The following TRPC5 variants were observed in gnomAD, a reference collection of about 807,000 sequenced individuals.
The protein encoded by TRPC5 is short transient receptor potential channel 5.
TRPC5 carries 9 observed loss-of-function variants against 56.5 expected under a neutral mutation model. The observed-to-expected ratio is 0.16, with a 90% confidence interval of 0.10 to 0.28. TRPC5 has a LOEUF of 0.28. Ranked by LOEUF, TRPC5 falls within the 10% of genes least tolerant of loss-of-function variation. The pLI is 1.00. For synonymous variants in TRPC5, 282 were observed against 278.5 expected (o/e 1.01, Z -0.13); for missense variants, 469 against 748.9 (o/e 0.63, Z 4.36).
Position 111,952,347 on chromosome X carries a change from G to C in TRPC5, c.74C>G (p.Ala25Gly), listed in dbSNP as rs1229020207. The C allele has an allele frequency of 7.4e-6, 9 of 1,212,060 alleles. No individual in the cohort carries two copies. The South Asian group carries it at 1.6e-4, about 21-fold the overall frequency. Residue 25 changes from alanine to glycine, a missense_variant, in exon 2 of 11, where the codon GCT (alanine) becomes GGT (glycine). Transcript: ENST00000262839. The stretch of plus-strand genomic sequence containing the variant: ...CTCCTCTGCAGAGAGCTCTGTCTCA[G>C]CCCTCACAATTTGCAGGGGGATGCG... ...RDRIPLQIVR[A>G]ETELSAEEKA...
intron 2 of TRPC5, among the ~76,000 whole-genome samples, chrX:111,942,630 C>T (rs776561690): frequency 1.4e-3 from 154 of 111,951 alleles, no homozygotes; most frequent in Non-Finnish European, 2.5e-3. Context: ...AAAGTTAGCA[C>T]AGATACATGA....
intron 1 of TRPC5, among the ~76,000 whole-genome samples, chrX:112,071,788 C>T (rs1930726217): frequency 8.9e-6 from 1 of 111,791 alleles, no homozygotes; most frequent in Admixed American, 9.5e-5. Flanking sequence ...ATGGTAGGCC[C>T]AATTTTGCCC....
chrX:111,852,262 C>T (rs757484491), intron 5 of TRPC5, 36 bp downstream of exon 5: 27 of 1,185,813 alleles, frequency 2.3e-5, no homozygotes, highest in South Asian at 2.1e-4. Flanking sequence ...TAGCCAAAAT[C>T]GCTGTGTAGG....
chrX:111,922,572 C>T (rs1926153403), intron 2 of TRPC5, among the ~76,000 whole-genome samples: 1 of 112,172 alleles, frequency 8.9e-6, no homozygotes, highest in Non-Finnish European at 1.9e-5. Flanking sequence ...CCTGCTCTGC[C>T]TATCTATCAG....
chrX:111,895,136 G>T (rs1456741617), intron 3 of TRPC5, among the ~76,000 whole-genome samples: 1 of 111,935 alleles, frequency 8.9e-6, no homozygotes, highest in Non-Finnish European at 1.9e-5. Flanking sequence ...AGTTTTACCA[G>T]TTAACAATTT....
chrX:112,000,227 C>T (rs188336925), intron 1 of TRPC5, among the ~76,000 whole-genome samples: 1 of 111,468 alleles, frequency 9.0e-6, no homozygotes, highest in Non-Finnish European at 1.9e-5. Context: ...CTTTATTAGA[C>T]ACTCACTTGT....
At chrX:111,968,134 A>C (rs1927658960) in intron 1 of TRPC5, among the ~76,000 whole-genome samples, 1 of 111,871 alleles carries the variant, frequency 8.9e-6, no homozygotes, top group African/African-American at 3.3e-5. Context: ...CAAGAAAAAA[A>C]CAAAAAAACC....
chrX:111,778,914 C>T, intron 10 of TRPC5, 71 bp downstream of exon 10: 3 of 765,846 alleles, frequency 3.9e-6, no homozygotes, highest in Non-Finnish European at 5.8e-6. Flanking sequence ...TCACCAGAAA[C>T]CTCACACACT....
chrX:111,928,737 T>G (rs1335565031), intron 2 of TRPC5, among the ~76,000 whole-genome samples: 1 of 111,928 alleles, frequency 8.9e-6, no homozygotes, highest in Non-Finnish European at 1.9e-5. Flanking sequence ...GCTGTCTCCC[T>G]AGAGAAAAAT....
At chrX:111,999,375 T>C (rs1262713411) in intron 1 of TRPC5, among the ~76,000 whole-genome samples, 2 of 111,623 alleles carry the variant, frequency 1.8e-5, no homozygotes. Context: ...GATATCTGTC[T>C]TTCTGTGCCT....
At chrX:111,976,950 C>T (rs1387692071) in intron 1 of TRPC5, among the ~76,000 whole-genome samples, 1 of 110,540 alleles carries the variant, frequency 9.0e-6, no homozygotes, top group African/African-American at 3.3e-5. Context: ...AGTTGTAAGA[C>T]GTATGCACTG....
chrX:111,803,921 TG>T (rs1254523155), intron 7 of TRPC5, among the ~76,000 whole-genome samples: 1 of 112,211 alleles, frequency 8.9e-6, no homozygotes, highest in Non-Finnish European at 1.9e-5. Flanking sequence ...ATGAAGTCCT[TG>T]CCCATGCCTA....
intron 1 of TRPC5, among the ~76,000 whole-genome samples, chrX:111,977,838 C>T (rs753961273): frequency 9.0e-6 from 1 of 111,491 alleles, no homozygotes; most frequent in Non-Finnish European, 1.9e-5. Flanking sequence ...AAAGAAGAAA[C>T]GCAGATGGCC....
At chrX:112,049,432 TACACACACAC>T (rs762624712) in intron 1 of TRPC5, among the ~76,000 whole-genome samples, 1 of 104,211 alleles carries the variant, frequency 9.6e-6, no homozygotes, top group South Asian at 4.2e-4. Flanking sequence ...CGCATATATA[TACACACACAC>T]ACACACACAC....
At chrX:112,053,004 C>A (rs1254288907) in intron 1 of TRPC5, among the ~76,000 whole-genome samples, 2 of 111,367 alleles carry the variant, frequency 1.8e-5, no homozygotes, top group Non-Finnish European at 3.8e-5. Context: ...ATGAAAAGTT[C>A]TAAATAATTT....
At chrX:112,026,377 TC>T (rs1414635248) in intron 1 of TRPC5, among the ~76,000 whole-genome samples, 2 of 112,719 alleles carry the variant, frequency 1.8e-5, no homozygotes, top group African/African-American at 6.5e-5. Context: ...GGCCTTCATT[TC>T]TTTATATTTT....
intron 1 of TRPC5, among the ~76,000 whole-genome samples, chrX:112,017,402 A>G (rs1454110881): frequency 1.8e-5 from 2 of 111,087 alleles, no homozygotes; most frequent in Non-Finnish European, 3.8e-5. Flanking sequence ...TAAATGTCTG[A>G]GGCACTGCAA....
chrX:111,837,223 T>C lies in TRPC5; in HGVS notation c.1701-2107A>G, dbSNP rs754826765. On this transcript the variant is annotated intron_variant, in intron 6 of 10. Transcript: ENST00000262839. ...CACAGGATCTAAATTTTCAGGAGAC[T>C]CTACCAGCCAGGGCCAGGCAATACA... Among the ~76,000 whole-genome samples the C allele has an allele frequency of 2.6e-3, 295 of 111,327 alleles. 2 individuals carry two copies. The highest frequency in any genetic ancestry group is 0.023 in the Middle Eastern group (5 of 215).
intron 1 of TRPC5, among the ~76,000 whole-genome samples, chrX:112,047,455 G>A (rs1452394745): frequency 2.7e-5 from 3 of 111,214 alleles, no homozygotes; most frequent in Non-Finnish European, 5.7e-5. Context: ...ATACTCTGGA[G>A]GTTCCAGAGG....
Sources: gnomAD v4.1 joint callset for allele counts (sites outside exome capture counted in the v4.1 genomes callset) on GRCh38, gnomAD v4.1.1 for gene constraint, MANE v1.5 for transcripts, NCBI Gene and HGNC (gene_info 2026-07-23, HGNC 2026-07-21) for gene names.